NRF1: variants seen among roughly 807,000 people sequenced by gnomAD.
NRF1 encodes nuclear respiratory factor 1.
Under a neutral mutation model 58.5 loss-of-function variants are expected in NRF1, and 5 were observed. The observed-to-expected ratio is 0.09, with a 90% CI of 0.04 to 0.18. The LOEUF (loss-of-function observed/expected upper bound fraction) is 0.18, where lower values mean the gene tolerates loss of function less well. Among genes scored for constraint, NRF1 ranks in the 10% least tolerant of loss-of-function variants. The pLI, the probability that NRF1 is intolerant of heterozygous loss-of-function variation, is 1.00. For synonymous variants in NRF1, 224 were observed against 246.7 expected (o/e 0.91, Z 0.86); for missense variants, 288 against 657.7 (o/e 0.44, Z 6.15).
intron 1 of NRF1, among the ~76,000 whole-genome samples, chr7:129,616,428 TAAAAAAAC>T (rs1800661099): frequency 6.6e-6 from 1 of 151,906 alleles, no homozygotes; most frequent in Non-Finnish European, 1.5e-5. Context: ...ACAGAATATT[TAAAAAAAC>T]AAAAAAACGA....
intron 1 of NRF1, among the ~76,000 whole-genome samples, chr7:129,625,823 G>A (rs539672998): frequency 2.0e-4 from 31 of 151,752 alleles, no homozygotes; most frequent in African/African-American, 4.6e-4. Context: ...CTGGGACGTC[G>A]GGTGCCTGCC....
chr7:129,753,368 C>T (rs1414896232), intron 10 of NRF1, among the ~76,000 whole-genome samples: 1 of 152,162 alleles, frequency 6.6e-6, no homozygotes, highest in Non-Finnish European at 1.5e-5. Flanking sequence ...CATTTTTAGC[C>T]TCATCCCTCT....
At chr7:129,720,084 A>C (rs915336207) in intron 9 of NRF1, among the ~76,000 whole-genome samples, 1 of 152,156 alleles carries the variant, frequency 6.6e-6, no homozygotes, top group Non-Finnish European at 1.5e-5. Flanking sequence ...CTCAGTGTTT[A>C]CTCCAAAGGA....
chr7:129,658,415 A>T (rs1310367428), intron 2 of NRF1, among the ~76,000 whole-genome samples: 1 of 151,996 alleles, frequency 6.6e-6, no homozygotes. Flanking sequence ...AATGTAGTGC[A>T]ATCCCATCTC....
intron 4 of NRF1, among the ~76,000 whole-genome samples, chr7:129,682,992 G>A (rs945144694): frequency 6.6e-6 from 1 of 152,024 alleles, no homozygotes; most frequent in African/African-American, 2.4e-5. Context: ...GTGCAGTGGT[G>A]CAGTCTCAGC....
chr7:129,632,165 T>C (rs970251971), intron 1 of NRF1, among the ~76,000 whole-genome samples: 1 of 152,086 alleles, frequency 6.6e-6, no homozygotes, highest in Non-Finnish European at 1.5e-5. Context: ...TCCCAGCTGC[T>C]TGGGAGGTTG....
chr7:129,625,546 A>T (rs1348510727), intron 1 of NRF1, among the ~76,000 whole-genome samples: 1 of 151,858 alleles, frequency 6.6e-6, no homozygotes, highest in South Asian at 2.1e-4. Flanking sequence ...TGTCTCCCCA[A>T]CTGGAGTGCA....
chr7:129,645,114 GGAATAA>G (rs1302984697), intron 1 of NRF1, among the ~76,000 whole-genome samples: 4 of 151,286 alleles, frequency 2.6e-5, no homozygotes, highest in East Asian at 1.9e-4. Flanking sequence ...CTTTGTACAT[GGAATAA>G]GAATAAGTTA....
At chr7:129,663,304 G>A (rs536858383) in intron 2 of NRF1, among the ~76,000 whole-genome samples, 190 of 152,212 alleles carry the variant, frequency 1.2e-3, no homozygotes, top group African/African-American at 4.2e-3. Context: ...CAGACGGGGC[G>A]GCCGAGCAGA....
intron 3 of NRF1, among the ~76,000 whole-genome samples, chr7:129,673,235 G>A (rs188694993): frequency 6.6e-6 from 1 of 152,248 alleles, no homozygotes; most frequent in Non-Finnish European, 1.5e-5. Flanking sequence ...ATAGCTTTAA[G>A]AGAGAATAGG....
intron 2 of NRF1, among the ~76,000 whole-genome samples, chr7:129,663,823 C>G (rs1801853300): frequency 6.6e-6 from 1 of 152,196 alleles, no homozygotes; most frequent in East Asian, 1.9e-4. Context: ...CCACTGTACT[C>G]CAGCCTGGGC....
At chr7:129,722,221 G>A (rs532717643) in intron 9 of NRF1, among the ~76,000 whole-genome samples, 12 of 151,954 alleles carry the variant, frequency 7.9e-5, no homozygotes, top group African/African-American at 2.2e-4. Flanking sequence ...GAGAAACCCC[G>A]TCTCTACTAA....
At chr7:129,676,461 A>G (rs561992185) in intron 3 of NRF1, among the ~76,000 whole-genome samples, 4 of 152,322 alleles carry the variant, frequency 2.6e-5, no homozygotes, top group East Asian at 3.9e-4. Flanking sequence ...CCTAATTTCA[A>G]TACTGTGTCT....
chr7:129,614,500 G>C (rs896632920), intron 1 of NRF1, among the ~76,000 whole-genome samples: 2 of 136,076 alleles, frequency 1.5e-5, no homozygotes, highest in African/African-American at 5.5e-5. Flanking sequence ...TTTTAAGTTA[G>C]AGATGGGGAT....
intron 5 of NRF1, among the ~76,000 whole-genome samples, chr7:129,697,258 A>G (rs1802719667): frequency 1.3e-5 from 2 of 151,998 alleles, no homozygotes; most frequent in Non-Finnish European, 2.9e-5. Context: ...ATTGAGGCAT[A>G]AATAGCCGGG....
intron 1 of NRF1, among the ~76,000 whole-genome samples, chr7:129,617,804 G>A (rs1171483692): frequency 6.6e-6 from 1 of 152,184 alleles, no homozygotes; most frequent in East Asian, 1.9e-4. Context: ...GTTTGAGTAG[G>A]ACTTGGAAGG....
At chr7:129,666,140 C>G (rs1408161153) in intron 2 of NRF1, among the ~76,000 whole-genome samples, 1 of 152,216 alleles carries the variant, frequency 6.6e-6, no homozygotes, top group Non-Finnish European at 1.5e-5. Context: ...TGTGCACCCA[C>G]TGCCCAGCTT....
At chr7:129,701,786 G>A (rs1167060950) in intron 5 of NRF1, among the ~76,000 whole-genome samples, 2 of 152,088 alleles carry the variant, frequency 1.3e-5, no homozygotes, top group African/African-American at 4.8e-5. Flanking sequence ...CTGAATTTCT[G>A]CTAAACTGAT....
At chr7:129,642,001 CAG>C (rs955418384) in intron 1 of NRF1, among the ~76,000 whole-genome samples, 9 of 146,700 alleles carry the variant, frequency 6.1e-5, no homozygotes, top group Non-Finnish European at 9.0e-5. Context: ...TTTTTTGAGA[CAG>C]AGCCTCATTC....
Sources: allele counts gnomAD v4.1 joint callset (sites outside exome capture counted in the v4.1 genomes callset), GRCh38; gene constraint gnomAD v4.1.1; transcripts MANE v1.5; gene names NCBI Gene and HGNC (gene_info 2026-07-23, HGNC 2026-07-21).